Variants in ANO8 observed in about 807,000 individuals in gnomAD.
ANO8 encodes the protein anoctamin 8, also known as anoctamin-8.
A neutral mutation model predicts 120.4 loss-of-function variants in ANO8; 67 were observed. The ratio of observed to expected loss-of-function variants is 0.56; its 90% CI spans 0.46 to 0.68. The LOEUF is 0.68. ANO8 is among the 30% of genes least tolerant of loss of function. The pLI, the probability that ANO8 is intolerant of heterozygous loss-of-function variation, is 0.00. For missense variants in ANO8, 1,526 were observed against 1,737.6 expected (o/e 0.88, Z 2.16); for synonymous variants, 727 against 759.2 (o/e 0.96, Z 0.70).
chr19:17,327,013 C>T (rs2074277206), intron 16 of ANO8, among the ~76,000 whole-genome samples: 1 of 152,214 alleles, frequency 6.6e-6, no homozygotes, highest in Admixed American at 6.5e-5. Flanking sequence ...TAGCTAGCTG[C>T]AGCCTCAAAC....
chr19:17,331,324 A>G lies in ANO8; in HGVS notation c.674T>C (p.Val225Ala). 6.2e-7 allele frequency: 1 copy of G among 1,614,074 alleles called. No individual in the cohort carries two copies. The highest frequency in any genetic ancestry group is 8.5e-7 in the Non-Finnish European group (1 of 1,180,020). Reference protein sequence around the residue: ...RILNRLMKSWVQAVCENQPLD... With the variant: ...RILNRLMKSWAQAVCENQPLD... Reference sequence around the variant, plus strand: ...AGGCTGGTTTTCACACACGGCCTGCACCCATGACTTCATGAGGCGGTTCAG... The same window carrying G: ...AGGCTGGTTTTCACACACGGCCTGCGCCCATGACTTCATGAGGCGGTTCAG... Residue 225 changes from valine (V) to alanine (A), a missense_variant, in exon 6 of 18, where the codon GTG becomes GCG. Val to Ala is a moderately conservative substitution (Grantham distance 64, BLOSUM62 0). Around this residue, in one of 8 missense-constraint regions of ANO8, gnomAD observed 322 missense variants for 431.8 expected, o/e 0.75. Transcript: ENST00000159087.
In ANO8 at chr19:17,327,506, C is replaced by T; in HGVS notation, c.2482G>A (p.Gly828Arg). The T allele has an allele frequency of 6.2e-7, 1 of 1,613,278 alleles. No homozygotes were observed. Among genetic ancestry groups the T allele is most frequent in the Non-Finnish European group, 8.5e-7 (1 of 1,179,876 alleles). The change falls in exon 15 of 18, where the codon GGG becomes AGG. Residue 828 changes from glycine to arginine, a missense_variant. Coordinates refer to ENST00000159087, the MANE Select transcript of ANO8 (RefSeq NM_020959.3). Reference sequence around the variant, plus strand: ...CAGGGGAAGAGGCGCTGCAGCTGCCCGCACTGGCCGATTAAGTAGCAGTTG... The same window carrying T: ...CAGGGGAAGAGGCGCTGCAGCTGCCTGCACTGGCCGATTAAGTAGCAGTTG... The part of the protein sequence containing the change: ...VVNCYLIGQC[G>R]QLQRLFPWLS...
At position 17,330,477 on chromosome 19, in the gene ANO8, G is replaced by A. The variant is rs2074309151; in HGVS notation, c.1021C>T (p.Arg341Trp). The change falls in exon 9 of 18, where the codon CGG becomes TGG. Residue 341 changes from arginine to tryptophan, a missense_variant. Coordinates refer to ENST00000159087, the MANE Select transcript of ANO8 (RefSeq NM_020959.3). ...GGCGGGTAGTAGAACTCCTCGGCCCGCGTGATGGGGCTGATACGTCGCACG... is the reference window on the plus strand; with the variant it reads ...GGCGGGTAGTAGAACTCCTCGGCCCACGTGATGGGGCTGATACGTCGCACG... ...RGVRRISPITRAEEFYYPPWK... is the reference protein window; with the variant it reads ...RGVRRISPITWAEEFYYPPWK... The A allele has an allele frequency of 1.3e-6, 2 of 1,546,374 alleles. No individual in the cohort carries two copies. The highest frequency in any genetic ancestry group is 8.7e-7 in the Non-Finnish European group (1 of 1,144,724).
At chr19:17,327,380 A>C (rs1188769773) in intron 15 of ANO8, 35 bp from the exon 16 acceptor site, 2 of 1,552,462 alleles carry the variant, frequency 1.3e-6, no homozygotes, top group Non-Finnish European at 1.7e-6. Context: ...TGCAGGCTGC[A>C]GACGCTGGGG....
In ANO8 at chr19:17,328,151, C is replaced by T. The variant is rs2074286309; in HGVS notation, c.2226+11G>A. 2 of 1,549,176 alleles carry T rather than the reference C, an allele frequency of 1.3e-6. No homozygotes were observed. The highest frequency in any genetic ancestry group is 1.4e-5 in the African/African-American group (1 of 72,856). On this transcript the variant is annotated intron_variant, in intron 13 of 17. Coordinates refer to ENST00000159087, the MANE Select transcript of ANO8 (RefSeq NM_020959.3). Reference sequence around the variant, plus strand: ...GGCCCCGCCCCCTGCGAGGCCCCGCCCCCTCCTCACCTCGTACTTCTTCAT... The same window carrying T: ...GGCCCCGCCCCCTGCGAGGCCCCGCTCCCTCCTCACCTCGTACTTCTTCAT...
At chr19:17,331,247 C>T (rs745932893) in intron 6 of ANO8, 32 bp from the exon 7 acceptor site, 10 of 1,614,060 alleles carry the variant, frequency 6.2e-6, no homozygotes, top group Non-Finnish European at 8.5e-6. Context: ...TCAGTCACCC[C>T]CTGCCTGTCT....
Position 17,334,807 on chromosome 19 carries a change from G to T in ANO8, c.-137C>A, listed in dbSNP as rs1474941842. On this transcript the variant is annotated 5_prime_UTR_variant, in exon 1 of 18. Coordinates refer to ENST00000159087, the MANE Select transcript of ANO8 (RefSeq NM_020959.3). ...CCCGCCCGCGCCGGCCTCGGTCCTC[G>T]CTCGCCCGAGCGCTGCTTCTCGTCC... is the stretch of plus-strand genomic sequence containing the variant. 5.0e-6 allele frequency: 6 copies of T among 1,204,768 alleles called. No homozygotes were observed. The highest frequency in any genetic ancestry group is 2.8e-5 in the East Asian group (1 of 36,062). The allele number at this position is 1,204,768 out of a possible 1,614,324, so 74.6% of individuals were successfully genotyped here.
rs1467960754 is a variant in ANO8 at position 17,328,588 on chromosome 19, C to T, written c.1800G>A (p.Glu600=). The change falls in exon 13 of 18, where the codon GAG becomes GAA. Residue 600 remains glutamate (E), a synonymous_variant. Transcript: ENST00000159087. Reference sequence around the variant, plus strand: ...CCAGGAGGCCCCCTTCCTCGCCCTCCTCCTCGTCCTCCTCTTCCTCCTCGT... The same window carrying T: ...CCAGGAGGCCCCCTTCCTCGCCCTCTTCCTCGTCCTCCTCTTCCTCCTCGT... The part of the protein sequence containing the change: ...EEDEEEEEDE[E]EGEEGGLLDC... 2.6e-6 allele frequency: 4 copies of T among 1,545,614 alleles called. No individual in the cohort carries two copies. The highest frequency in any genetic ancestry group is 2.0e-5 in the Admixed American group (1 of 50,882).
At chr19:17,325,863 G>A (rs1265180286) in intron 16 of ANO8, among the ~76,000 whole-genome samples, 1 of 152,206 alleles carries the variant, frequency 6.6e-6, no homozygotes, top group African/African-American at 2.4e-5. Context: ...GGGAGACGGA[G>A]GTTGCAGTGA....
chr19:17,333,626 G>A lies in ANO8; in HGVS notation c.217+64C>T. The A allele has an allele frequency of 1.3e-6, 2 of 1,504,814 alleles. No homozygotes were observed. Among genetic ancestry groups the A allele is most frequent in the South Asian group, 2.2e-5 (2 of 89,708 alleles). The allele number at this position is 1,504,814 out of a possible 1,614,324, so 93.2% of individuals were successfully genotyped here. ...AAGGCCTCCTACGTATTCCCGTTCT[G>A]GGAAGCCGAGCTCAGGAGAGCCGCA... On this transcript the variant is annotated intron_variant, in intron 2 of 17. Transcript: ENST00000159087. This position sits in a 1 kb window ranked among gnomAD's most constrained non-coding sequence, Gnocchi z 7.2.
In ANO8 at chr19:17,325,125, CGTT is replaced by C. The variant is rs754532308; in HGVS notation, c.2920_2922del (p.Asn974del). The stretch of plus-strand genomic sequence containing the variant: ...GGGATGATCTGCTTCAACTTCATGA[CGTT>C]GTTGGGTGCCAGCAGGGACCCTGGG... On this transcript the variant is annotated inframe_deletion, in exon 17 of 18. Transcript: ENST00000159087. The C allele has an allele frequency of 4.3e-6, 7 of 1,613,606 alleles. No homozygotes were observed. Among genetic ancestry groups the C allele is most frequent in the Admixed American group, 3.3e-5 (2 of 60,014 alleles).
chr19:17,333,598 C>T lies in ANO8; in HGVS notation c.218-44G>A, dbSNP rs748642375. 2 of 1,609,948 alleles carry T rather than the reference C, an allele frequency of 1.2e-6. No individual in the cohort carries two copies. On this transcript the variant is annotated intron_variant, in intron 2 of 17. Transcript: ENST00000159087. This position sits in a 1 kb window ranked among gnomAD's most constrained non-coding sequence, Gnocchi z 7.2. Reference sequence around the variant, plus strand: ...ACCGATGGCTCCTGCCACGAGGGGGCCCAAGGCCTCCTACGTATTCCCGTT... The same window carrying T: ...ACCGATGGCTCCTGCCACGAGGGGGTCCAAGGCCTCCTACGTATTCCCGTT...
At chr19:17,324,043 C>G (rs1166629142) in intron 17 of ANO8, among the ~76,000 whole-genome samples, 159 bp from the exon 18 acceptor site, 1 of 134,990 alleles carries the variant, frequency 7.4e-6, no homozygotes, top group East Asian at 2.2e-4. Context: ...GGGCGGCTTC[C>G]GGTGCATACC....
rs777910693 is a variant in ANO8, at chr19:17,324,745, T to A, written c.3303A>T (p.Glu1101Asp). The change falls in exon 17 of 18, where the codon GAA becomes GAT. Residue 1101 changes from glutamate to aspartate, a missense_variant. By Grantham distance (45) the Glu-to-Asp change is conservative. Transcript: ENST00000159087. ...AGCCTTCCTCTTCGGGCCGGGGGGC[T>A]TCCAGCTCCTCAGCCAGGGCCTCGT... ...PVDEALAEEL[E>D]APRPEEEGSG... The A allele has an allele frequency of 8.5e-6, 13 of 1,530,686 alleles. No individual in the cohort carries two copies. The South Asian group carries it at 1.3e-4, about 15-fold the overall frequency. 94.8% of individuals were successfully genotyped at this position (1,530,686 alleles called of 1,614,324 possible).
intron 17 of ANO8, 127 bp downstream of exon 17, chr19:17,324,590 C>T (rs1394596180): frequency 7.0e-6 from 10 of 1,433,788 alleles, no homozygotes; most frequent in Non-Finnish European, 9.2e-6. Flanking sequence ...ACCACTGACC[C>T]AGGTCCCCAC....
At position 17,324,827 on chromosome 19, in the gene ANO8, C is replaced by T. The variant is rs751784848; in HGVS notation, c.3221G>A (p.Arg1074Gln). 25 of 1,609,880 alleles carry T rather than the reference C, an allele frequency of 1.6e-5. No individual in the cohort carries two copies. The highest frequency in any genetic ancestry group is 2.7e-5 in the African/African-American group (2 of 74,820). ...GCCACTGCTGGGGGTCCCATCTGGCCGGGCCTGCCCGCCCGCCCCGTTGGA... is the reference window on the plus strand; with the variant it reads ...GCCACTGCTGGGGGTCCCATCTGGCTGGGCCTGCCCGCCCGCCCCGTTGGA... ...PGSNGAGGQA[R>Q]PDGTPSSGSS... Residue 1074 changes from arginine (R) to glutamine (Q), a missense_variant, in exon 17 of 18, where the codon CGG becomes CAG. Arg to Gln is a conservative substitution (Grantham distance 43). Coordinates refer to ENST00000159087, the MANE Select transcript of ANO8 (RefSeq NM_020959.3).
intron 5 of ANO8, 143 bp downstream of exon 5, chr19:17,332,787 C>T (rs2074328418): frequency 2.4e-6 from 2 of 845,094 alleles, no homozygotes; most frequent in Non-Finnish European, 3.7e-6. Context: ...AAGGCCACAC[C>T]CCTTTAGCTC....
Position 17,333,349 on chromosome 19 carries a change from A to T in ANO8, c.350+73T>A, listed in dbSNP as rs1054020676. The T allele has an allele frequency of 2.5e-6, 4 of 1,609,570 alleles. No individual in the cohort carries two copies. Among genetic ancestry groups the T allele is most frequent in the Admixed American group, 3.3e-5 (2 of 59,956 alleles). On this transcript the variant is annotated intron_variant, in intron 3 of 17. Coordinates refer to ENST00000159087, the MANE Select transcript of ANO8 (RefSeq NM_020959.3). The surrounding 1 kb of genome is among the most constrained non-coding windows in gnomAD (Gnocchi z 7.2). ...TGGGACAAACGCAGGGCGGCTGGAT[A>T]GCATGGTTGGCACTTGGTAGAGCGG...
At chr19:17,327,643 T>A (rs1435665249) in intron 14 of ANO8, 46 bp downstream of exon 14, 2 of 1,607,734 alleles carry the variant, frequency 1.2e-6, no homozygotes, top group Non-Finnish European at 1.7e-6. Flanking sequence ...CAGCTGCACC[T>A]GGGCTCCCTC....
Sources: allele counts gnomAD v4.1 joint callset (sites outside exome capture counted in the v4.1 genomes callset), GRCh38; gene constraint gnomAD v4.1.1; regional missense constraint gnomAD v4.1.1; non-coding constraint Gnocchi (gnomAD v3.1); transcripts MANE v1.5; gene names NCBI Gene and HGNC (gene_info 2026-07-23, HGNC 2026-07-21).